SUSD1: variants seen among roughly 807,000 people sequenced by gnomAD.
SUSD1 encodes sushi domain-containing protein 1.
In SUSD1, 65 loss-of-function variants were observed where a neutral mutation model predicts 86.9. The ratio of observed to expected loss-of-function variants is 0.75; its 90% confidence interval spans 0.61 to 0.92. The LOEUF (loss-of-function observed/expected upper bound fraction) is 0.92, where lower values mean the gene tolerates loss of function less well. Ranked by LOEUF, SUSD1 falls within the 40% of genes least tolerant of loss-of-function variation. The probability of loss-of-function intolerance (pLI) is 0.00; values close to 1 mark genes in which losing one functional copy is unlikely to be tolerated. For missense variants in SUSD1, 850 were observed against 929.7 expected (o/e 0.91, Z 1.11); for synonymous variants, 346 against 350.0 (o/e 0.99, Z 0.13).
chr9:112,111,736 G>GTAC lies in SUSD1; in HGVS notation c.1086_1088dup (p.Leu362_Tyr363insTer), dbSNP rs780525699. On this transcript the variant is annotated stop_gained, in exon 8 of 17. Coordinates refer to ENST00000374270, the MANE Select transcript of SUSD1 (RefSeq NM_022486.5). LOFTEE classifies it high-confidence loss of function. ...TGTTCACGGTGTAGTTGGTGCCTGGGTACAGGGCTAGGCACACTTCTGGGG... is the reference window on the plus strand; with the variant it reads ...TGTTCACGGTGTAGTTGGTGCCTGGGTACTACAGGGCTAGGCACACTTCTGGGG... The GTAC allele has an allele frequency of 1.9e-6, 3 of 1,614,052 alleles. No individual in the cohort carries two copies. The East Asian group carries it at 6.7e-5, about 36-fold the overall frequency.
chr9:112,063,818 C>G (rs1462592256), intron 12 of SUSD1, among the ~76,000 whole-genome samples: 1 of 152,022 alleles, frequency 6.6e-6, no homozygotes, highest in Non-Finnish European at 1.5e-5. Context: ...CTACATATGC[C>G]CCATCTTACT....
chr9:112,050,303 T>C (rs1285426472), intron 15 of SUSD1, among the ~76,000 whole-genome samples: 2 of 152,140 alleles, frequency 1.3e-5, no homozygotes, highest in Non-Finnish European at 2.9e-5. Context: ...TCATCAGCAA[T>C]CCAAGATGGC....
intron 15 of SUSD1, among the ~76,000 whole-genome samples, chr9:112,049,049 G>A (rs1406749037): frequency 6.6e-6 from 1 of 152,196 alleles, no homozygotes; most frequent in Non-Finnish European, 1.5e-5. Flanking sequence ...AACAAGTCAG[G>A]TGGTGGTGTG....
chr9:112,078,588 G>A lies in SUSD1; in HGVS notation c.1703C>T (p.Ala568Val). 2 of 1,613,956 alleles carry A rather than the reference G, an allele frequency of 1.2e-6. No individual in the cohort carries two copies. Among genetic ancestry groups the A allele is most frequent in the South Asian group, 2.2e-5 (2 of 91,072 alleles). Residue 568 changes from alanine (A) to valine (V), a missense_variant, in exon 12 of 17, where the codon GCT becomes GTT. Physicochemically the swap from Ala to Val is moderately conservative, Grantham distance 64. Transcript: ENST00000374270. ...PGTNYNVSLR[A>V]LSSELPVVIS... Reference sequence around the variant, plus strand: ...GACCACAGGAAGTTCCGAAGACAGAGCCCGGAGACTGACATTGTAGTTGGT... The same window carrying A: ...GACCACAGGAAGTTCCGAAGACAGAACCCGGAGACTGACATTGTAGTTGGT...
intron 12 of SUSD1, among the ~76,000 whole-genome samples, chr9:112,070,391 A>C (rs1829215877): frequency 6.6e-6 from 1 of 152,192 alleles, no homozygotes; most frequent in Admixed American, 6.5e-5. Flanking sequence ...CCACATTTCG[A>C]GGTGGAACAA....
At chr9:112,060,589 G>A (rs1283848648) in intron 13 of SUSD1, among the ~76,000 whole-genome samples, 2 of 152,180 alleles carry the variant, frequency 1.3e-5, no homozygotes, top group Non-Finnish European at 2.9e-5. Context: ...AAGCCACTGT[G>A]CCTGGCCCAG....
At chr9:112,109,722 C>CT in intron 8 of SUSD1, among the ~76,000 whole-genome samples, 1 of 152,338 alleles carries the variant, frequency 6.6e-6, no homozygotes, top group Admixed American at 6.5e-5. Flanking sequence ...GTCATCCTCA[C>CT]TGAACAGTGG....
chr9:112,108,506 C>T (rs542196620), intron 8 of SUSD1, among the ~76,000 whole-genome samples: 2 of 151,870 alleles, frequency 1.3e-5, no homozygotes, highest in South Asian at 2.1e-4. Flanking sequence ...GGCTGTGCAC[C>T]GTGACTCACA....
At chr9:112,063,514 G>A (rs1589597522) in intron 12 of SUSD1, among the ~76,000 whole-genome samples, 2 of 152,204 alleles carry the variant, frequency 1.3e-5, no homozygotes, top group East Asian at 3.8e-4. Context: ...TAGATGTGGT[G>A]AGTATTACAG....
At chr9:112,130,954 T>C (rs992450059) in intron 5 of SUSD1, among the ~76,000 whole-genome samples, 4 of 150,866 alleles carry the variant, frequency 2.7e-5, no homozygotes, top group African/African-American at 4.9e-5. Flanking sequence ...GCCCAGGAGG[T>C]GGAAGCTGCA....
chr9:112,083,518 G>A (rs545590889), intron 10 of SUSD1, among the ~76,000 whole-genome samples: 31 of 152,192 alleles, frequency 2.0e-4, no homozygotes, highest in South Asian at 4.1e-4. Flanking sequence ...GTGAGCCACC[G>A]CCCCCAGCCA....
intron 2 of SUSD1, among the ~76,000 whole-genome samples, chr9:112,155,249 A>C (rs1292726764): frequency 7.1e-6 from 1 of 141,736 alleles, no homozygotes; most frequent in Admixed American, 7.1e-5. Context: ...AGACGCCATC[A>C]AAAAAAAAAA....
intron 10 of SUSD1, among the ~76,000 whole-genome samples, chr9:112,097,959 T>C (rs1477404428): frequency 6.6e-6 from 1 of 152,170 alleles, no homozygotes; most frequent in Non-Finnish European, 1.5e-5. Flanking sequence ...CTGGCACCTA[T>C]GTGGCTTCCT....
chr9:112,081,055 T>C (rs1437394459), intron 10 of SUSD1, among the ~76,000 whole-genome samples: 1 of 152,338 alleles, frequency 6.6e-6, no homozygotes, highest in Non-Finnish European at 1.5e-5. Flanking sequence ...TACAGTTTAA[T>C]GTGGAGGTAC....
Position 112,124,428 on chromosome 9 carries a change from A to C in SUSD1, c.715T>G (p.Cys239Gly). Residue 239 changes from cysteine to glycine, a missense_variant, in exon 6 of 17, where the codon TGT becomes GGT. Cys to Gly is a radical substitution (Grantham distance 159, BLOSUM62 -3). Coordinates refer to ENST00000374270, the MANE Select transcript of SUSD1 (RefSeq NM_022486.5). Reference protein sequence around the residue: ...SPKLHCQEINCGNPPEMRHAI... With the variant: ...SPKLHCQEINGGNPPEMRHAI... ...TGCCGCATTTCTGGAGGGTTGCCACAGTTGATCTCTGCAATGGGAACCAAG... is the reference window on the plus strand; with the variant it reads ...TGCCGCATTTCTGGAGGGTTGCCACCGTTGATCTCTGCAATGGGAACCAAG... 1 of 1,613,894 alleles carries C rather than the reference A, an allele frequency of 6.2e-7. No homozygotes were observed. The highest frequency in any genetic ancestry group is 8.5e-7 in the Non-Finnish European group (1 of 1,179,854).
In SUSD1 at chr9:112,078,648, C is replaced by T. The variant is rs752297047; in HGVS notation, c.1643G>A (p.Arg548Gln). 3.7e-6 allele frequency: 6 copies of T among 1,613,888 alleles called. No homozygotes were observed. The highest frequency in any genetic ancestry group is 2.7e-5 in the African/African-American group (2 of 74,876). ...TAGGTCCAAGCACACCTCGGGATCT[C>T]GGCTGCTGCTACTGATATTAAAGGT... ...EMTFNISSSS[R>Q]DPEVCLDLRP... is the part of the protein sequence containing the mutation. Residue 548 changes from arginine to glutamine, a missense_variant, in exon 12 of 17, where the codon CGA (arginine) becomes CAA (glutamine). Arg to Gln is a conservative substitution (Grantham distance 43, BLOSUM62 1). Coordinates refer to ENST00000374270, the MANE Select transcript of SUSD1 (RefSeq NM_022486.5).
chr9:112,107,033 C>T (rs1317568647), intron 8 of SUSD1, among the ~76,000 whole-genome samples: 3 of 151,228 alleles, frequency 2.0e-5, no homozygotes, highest in South Asian at 2.1e-4. Context: ...GAGAGGCTGA[C>T]GCAGGAGGAT....
intron 14 of SUSD1, among the ~76,000 whole-genome samples, chr9:112,055,798 C>T (rs1441526811): frequency 6.6e-6 from 1 of 152,144 alleles, no homozygotes; most frequent in Non-Finnish European, 1.5e-5. Context: ...ACGTGGTATA[C>T]TCATATAATG....
In SUSD1 at chr9:112,112,703, C is replaced by A. The variant is rs111886079; in HGVS notation, c.984+68G>T. On this transcript the variant is annotated intron_variant, in intron 7 of 16. Transcript: ENST00000374270. The stretch of plus-strand genomic sequence containing the variant: ...TTGAGAAGCTCTCACGGAAGCAAGT[C>A]CCTCTGACTCATATTCCCATGGGTG... The A allele has an allele frequency of 2.0e-4, 204 of 1,025,410 alleles. 1 individual carries two copies. In the African/African-American group the frequency reaches 2.3e-3, roughly 12 times the overall value. 63.5% of individuals were successfully genotyped at this position (1,025,410 alleles called of 1,614,324 possible). A position where few individuals can be genotyped will look rare whatever the true frequency, so the allele number is the denominator to read the frequency against.
Sources: allele counts gnomAD v4.1 joint callset (sites outside exome capture counted in the v4.1 genomes callset), GRCh38; gene constraint gnomAD v4.1.1; transcripts MANE v1.5; gene names NCBI Gene and HGNC (gene_info 2026-07-23, HGNC 2026-07-21).